DYNC1H1: variants seen among roughly 807,000 people sequenced by gnomAD.
DYNC1H1 encodes the protein dynein cytoplasmic 1 heavy chain 1.
Under a neutral mutation model 527.1 loss-of-function variants are expected in DYNC1H1, and 51 were observed. The observed-to-expected ratio is 0.10, with a 90% CI of 0.08 to 0.12. The LOEUF (loss-of-function observed/expected upper bound fraction) is 0.12, where lower values mean the gene tolerates loss of function less well. DYNC1H1 is among the 10% of genes least tolerant of loss of function. The pLI is 1.00. For missense variants in DYNC1H1, 2,771 were observed against 5,971.8 expected (o/e 0.46, Z 17.66); for synonymous variants, 2,189 against 2,278.8 (o/e 0.96, Z 1.12).
chr14:102,007,227 G>T, intron 28 of DYNC1H1, 119 bp downstream of exon 28: 1 of 995,386 alleles, frequency 1.0e-6, no homozygotes. Flanking sequence ...GGTTTATATG[G>T]CCTCCTGAGT....
rs904113221 is a variant in DYNC1H1 at position 102,038,356 on chromosome 14, T to C, written c.10909-104T>C. On this transcript the variant is annotated intron_variant, in intron 57 of 77. Transcript: ENST00000360184. This position sits in a 1 kb window ranked among gnomAD's most constrained non-coding sequence, Gnocchi z 7.2. Reference sequence around the variant, plus strand: ...CCACCACACGCAAGTGGCGGGTGGCTTTTGGGAAGGTATGCTTATCCAGAG... The same window carrying C: ...CCACCACACGCAAGTGGCGGGTGGCCTTTGGGAAGGTATGCTTATCCAGAG... The C allele has an allele frequency of 4.6e-6, 7 of 1,536,028 alleles. No homozygotes were observed. The South Asian group carries it at 8.3e-5, about 18-fold the overall frequency.
rs1331271953 is a variant in DYNC1H1 at position 102,050,579 on chromosome 14, C to G, written c.*16C>G. The stretch of plus-strand genomic sequence containing the variant: ...CACAGAGTAAACTTTTCTAGCTGCC[C>G]CTTTCTGTAATAGTGAAAGTTGGTA... On this transcript the variant is annotated 3_prime_UTR_variant, in exon 78 of 78. Coordinates refer to ENST00000360184, the MANE Select transcript of DYNC1H1 (RefSeq NM_001376.5). 1 of 1,614,056 alleles carries G rather than the reference C, an allele frequency of 6.2e-7. No individual in the cohort carries two copies. Among genetic ancestry groups the G allele is most frequent in the South Asian group, 1.1e-5 (1 of 91,070 alleles).
intron 43 of DYNC1H1, among the ~76,000 whole-genome samples, chr14:102,026,230 C>T (rs2152588518): frequency 6.6e-6 from 1 of 152,292 alleles, no homozygotes; most frequent in Non-Finnish European, 1.5e-5. Context: ...AAGCACCTCC[C>T]ACCACTGAGA....
rs761095776 is a variant in DYNC1H1, at chr14:102,002,515, C to CT, written c.4543-21dup. The CT allele has an allele frequency of 3.7e-6, 6 of 1,613,776 alleles. No individual in the cohort carries two copies. The Admixed American group carries it at 8.3e-5, about 22-fold the overall frequency. The stretch of plus-strand genomic sequence containing the variant: ...GAGTAGAAGGGTCAGCAGTTTACCT[C>CT]TCCCTCCTGTCTGCCCACCAGGTTT... On this transcript the variant is annotated intron_variant, in intron 21 of 77. Coordinates refer to ENST00000360184, the MANE Select transcript of DYNC1H1 (RefSeq NM_001376.5). The surrounding 1 kb of genome is among the most constrained non-coding windows in gnomAD (Gnocchi z 4.4).
chr14:102,008,647 CATG>C (rs1376981613), intron 29 of DYNC1H1, among the ~76,000 whole-genome samples: 1 of 152,102 alleles, frequency 6.6e-6, no homozygotes, highest in Non-Finnish European at 1.5e-5. Context: ...ATTAGCCTGA[CATG>C]GTGGTGCACG....
Position 102,004,590 on chromosome 14 carries a change from A to G in DYNC1H1, c.4956A>G (p.Lys1652=). ...GNSKNVAKLQ[K]HFKKMFAGVS... is the part of the protein sequence containing the mutation. ...GCAAGAATGTCGCTAAATTACAGAA[A>G]CACTTCAAGAAGATGTTTGCTGGAG... Residue 1652 remains lysine, a synonymous_variant, in exon 24 of 78, where the codon AAA becomes AAG. Transcript: ENST00000360184. 1.2e-6 allele frequency: 2 copies of G among 1,614,176 alleles called. No individual in the cohort carries two copies. Among genetic ancestry groups the G allele is most frequent in the South Asian group, 1.1e-5 (1 of 91,076 alleles).
In DYNC1H1 at chr14:101,975,790, A is replaced by G. The variant is rs757242487; in HGVS notation, c.335A>G (p.Lys112Arg). ...AACATAGACATTCATTATGGGGTTA[A>G]ATCCAATAGGTGAGTAGTACAAATA... ...NINIDIHYGVKSNSLAFIKRT... is the reference protein window; with the variant it reads ...NINIDIHYGVRSNSLAFIKRT... Residue 112 changes from lysine to arginine, a missense_variant, in exon 2 of 78, where the codon AAA (lysine) becomes AGA (arginine). This residue lies in a region of DYNC1H1 where 146 missense variants were observed against 288.1 expected (regional missense o/e 0.51). Coordinates refer to ENST00000360184, the MANE Select transcript of DYNC1H1 (RefSeq NM_001376.5). 2.5e-6 allele frequency: 4 copies of G among 1,609,628 alleles called. No individual in the cohort carries two copies. In the African/African-American group the frequency reaches 5.3e-5, roughly 21 times the overall value.
chr14:102,001,531 T>G lies in DYNC1H1; in HGVS notation c.4396-4T>G. On this transcript the variant is annotated splice_polypyrimidine_tract_variant and splice_region_variant and intron_variant, in intron 20 of 77. Coordinates refer to ENST00000360184, the MANE Select transcript of DYNC1H1 (RefSeq NM_001376.5). The surrounding 1 kb of genome is among the most constrained non-coding windows in gnomAD (Gnocchi z 5.0). Reference sequence around the variant, plus strand: ...TAACATGCATCTTTCTGGTTTGAATTCAGATAAGAGAAGTGTGGAATACTT... The same window carrying G: ...TAACATGCATCTTTCTGGTTTGAATGCAGATAAGAGAAGTGTGGAATACTT... 1 of 1,614,188 alleles carries G rather than the reference T, an allele frequency of 6.2e-7. No individual in the cohort carries two copies.
rs998086599 is a variant in DYNC1H1, at chr14:102,044,769, G to C, written c.13006+71G>C. ...TCCCCTCACGCGGGGTGGGTGGCGA[G>C]GGTCCCCACACGCAGGGTGAGTGTG... On this transcript the variant is annotated intron_variant, in intron 72 of 77. Transcript: ENST00000360184. The surrounding 1 kb of genome is among the most constrained non-coding windows in gnomAD (Gnocchi z 7.1). 7.0e-7 allele frequency: 1 copy of C among 1,436,868 alleles called. No individual in the cohort carries two copies. The highest frequency in any genetic ancestry group is 1.4e-5 in the African/African-American group (1 of 71,056). 89.0% of individuals were successfully genotyped at this position (1,436,868 alleles called of 1,614,324 possible). A position where few individuals can be genotyped will look rare whatever the true frequency, so the allele number is the denominator to read the frequency against.
chr14:102,011,013 TA>T lies in DYNC1H1; in HGVS notation c.6618+63del. 5 of 1,561,398 alleles carry T rather than the reference TA, an allele frequency of 3.2e-6. No individual in the cohort carries two copies. The highest frequency in any genetic ancestry group is 4.4e-6 in the Non-Finnish European group (5 of 1,132,704). On this transcript the variant is annotated intron_variant, in intron 32 of 77. Transcript: ENST00000360184. The surrounding 1 kb of genome is among the most constrained non-coding windows in gnomAD (Gnocchi z 5.3). ...AGACCCTGCTGGCTTTAGTGTCTGGTAATGACAACCGTGGGCCCTTCGATGA... is the reference window on the plus strand; with the variant it reads ...AGACCCTGCTGGCTTTAGTGTCTGGTATGACAACCGTGGGCCCTTCGATGA...
intron 43 of DYNC1H1, 172 bp downstream of exon 43, chr14:102,023,052 C>T (rs2048404865): frequency 1.8e-6 from 2 of 1,100,166 alleles, no homozygotes; most frequent in African/African-American, 1.6e-5. Flanking sequence ...CACTTGATCC[C>T]AGGAGTTTGA....
rs547968657 is a variant in DYNC1H1, at chr14:102,028,036, C to T, written c.9363C>T (p.Ile3121=). 9 of 1,614,146 alleles carry T rather than the reference C, an allele frequency of 5.6e-6. No individual in the cohort carries two copies. The highest frequency in any genetic ancestry group is 2.2e-5 in the East Asian group (1 of 44,878). Residue 3121 remains isoleucine (I), a synonymous_variant, in exon 48 of 78, where the codon ATC becomes ATT. Coordinates refer to ENST00000360184, the MANE Select transcript of DYNC1H1 (RefSeq NM_001376.5). The part of the protein sequence containing the change: ...SKMDLEKPNY[I]VPDYMPVVYD... ...TGGATCTGGAGAAGCCAAATTACATCGTGCCTGATTACATGCCAGTTGTGT... is the reference window on the plus strand; with the variant it reads ...TGGATCTGGAGAAGCCAAATTACATTGTGCCTGATTACATGCCAGTTGTGT...
At position 102,036,720 on chromosome 14, in the gene DYNC1H1, A is replaced by C; in HGVS notation, c.10908+78A>C. On this transcript the variant is annotated intron_variant, in intron 57 of 77. Transcript: ENST00000360184. This position sits in a 1 kb window ranked among gnomAD's most constrained non-coding sequence, Gnocchi z 5.6. ...TTTTGGGGGCTGCCTTTAGTTTTCA[A>C]CTTTGTAAGACTTCATTTTGTATCA... 1 of 1,534,988 alleles carries C rather than the reference A, an allele frequency of 6.5e-7. No homozygotes were observed. Among genetic ancestry groups the C allele is most frequent in the Non-Finnish European group, 9.0e-7 (1 of 1,110,752 alleles).
rs911906247 is a variant in DYNC1H1 at position 102,008,475 on chromosome 14, C to G, written c.5977+138C>G. 9 of 1,254,152 alleles carry G rather than the reference C, an allele frequency of 7.2e-6. No individual in the cohort carries two copies. In the African/African-American group the frequency reaches 8.9e-5, roughly 12 times the overall value. The allele number at this position is 1,254,152 out of a possible 1,614,324, so 77.7% of individuals were successfully genotyped here. ...TCACTGTTACAGGCAGTGTAGTGAG[C>G]TGTGGTTAAAGACGGAAGGTAAGAA... On this transcript the variant is annotated intron_variant, in intron 29 of 77. Transcript: ENST00000360184.
In DYNC1H1 at chr14:101,983,356, G is replaced by A; in HGVS notation, c.1234-26G>A. On this transcript the variant is annotated intron_variant, in intron 6 of 77. Coordinates refer to ENST00000360184, the MANE Select transcript of DYNC1H1 (RefSeq NM_001376.5). This position sits in a 1 kb window ranked among gnomAD's most constrained non-coding sequence, Gnocchi z 5.3. ...AGATGAAAATATGTCTTAATAATAA[G>A]CCTCACTTTTGAAATTATATCCTAG... The A allele has an allele frequency of 6.2e-7, 1 of 1,613,966 alleles. No homozygotes were observed. The highest frequency in any genetic ancestry group is 2.2e-5 in the East Asian group (1 of 44,882).
At position 101,975,874 on chromosome 14, in the gene DYNC1H1, A is replaced by C. The variant is rs1206971985; in HGVS notation, c.344+75A>C. ...TTAATATGAATCTTTTTTCTTTTCAAACTCAGAAATTCTTACTAAGAGAAT... is the reference window on the plus strand; with the variant it reads ...TTAATATGAATCTTTTTTCTTTTCACACTCAGAAATTCTTACTAAGAGAAT... On this transcript the variant is annotated intron_variant, in intron 2 of 77. Coordinates refer to ENST00000360184, the MANE Select transcript of DYNC1H1 (RefSeq NM_001376.5). 4 of 1,231,076 alleles carry C rather than the reference A, an allele frequency of 3.2e-6. No homozygotes were observed. In the East Asian group the frequency reaches 7.1e-5, roughly 22 times the overall value. 76.3% of individuals were successfully genotyped at this position (1,231,076 alleles called of 1,614,324 possible). A position where few individuals can be genotyped will look rare whatever the true frequency, so the allele number is the denominator to read the frequency against.
rs150851798 is a variant in DYNC1H1 at position 102,042,411 on chromosome 14, G to A, written c.12303G>A (p.Leu4101=). ...GGGTGATGCTGAAGAATGTGCATCT[G>A]GCCCCAGGGTGGCTGATGCAGCTGG... ...GRWVMLKNVH[L]APGWLMQLEK... is the part of the protein sequence containing the mutation. The change falls in exon 68 of 78, where the codon CTG becomes CTA. Residue 4101 remains leucine (L), a synonymous_variant. Coordinates refer to ENST00000360184, the MANE Select transcript of DYNC1H1 (RefSeq NM_001376.5). The surrounding 1 kb of genome is among the most constrained non-coding windows in gnomAD (Gnocchi z 5.7). 1.2e-6 allele frequency: 2 copies of A among 1,614,070 alleles called. No individual in the cohort carries two copies. The highest frequency in any genetic ancestry group is 2.7e-5 in the African/African-American group (2 of 74,922).
Position 102,008,252 on chromosome 14 carries a change from G to A in DYNC1H1, c.5892G>A (p.Glu1964=), listed in dbSNP as rs1489014431. 6.2e-7 allele frequency: 1 copy of A among 1,614,234 alleles called. No individual in the cohort carries two copies. Among genetic ancestry groups the A allele is most frequent in the Non-Finnish European group, 8.5e-7 (1 of 1,180,048 alleles). Residue 1964 remains glutamate, a synonymous_variant, in exon 29 of 78, where the codon GAG becomes GAA. Coordinates refer to ENST00000360184, the MANE Select transcript of DYNC1H1 (RefSeq NM_001376.5). ...WGCFDEFNRL[E]ERMLSAVSQQ... is the part of the protein sequence containing the mutation. The stretch of plus-strand genomic sequence containing the variant: ...GCTTTGACGAGTTCAACCGCCTGGA[G>A]GAGCGGATGCTCTCGGCTGTGTCCC...
Position 102,010,754 on chromosome 14 carries a change from C to A in DYNC1H1, c.6420C>A (p.Ser2140Arg). 1 of 1,612,860 alleles carries A rather than the reference C, an allele frequency of 6.2e-7. No homozygotes were observed. ...TCTCCCCGTAGATTCTGATACAGAG[C>A]GTCTGTGAGACGATGGTGCCAAAGC... is the stretch of plus-strand genomic sequence containing the variant. ...NLPEQEILIQSVCETMVPKLV... is the reference protein window; with the variant it reads ...NLPEQEILIQRVCETMVPKLV... Residue 2140 changes from serine to arginine, a missense_variant, in exon 32 of 78, where the codon AGC becomes AGA. Around this residue, in one of 32 missense-constraint regions of DYNC1H1, gnomAD observed 56 missense variants for 140.6 expected, o/e 0.40. Coordinates refer to ENST00000360184, the MANE Select transcript of DYNC1H1 (RefSeq NM_001376.5). This position sits in a 1 kb window ranked among gnomAD's most constrained non-coding sequence, Gnocchi z 6.0.
Sources: allele counts gnomAD v4.1 joint callset (sites outside exome capture counted in the v4.1 genomes callset), GRCh38; gene constraint gnomAD v4.1.1; regional missense constraint gnomAD v4.1.1; non-coding constraint Gnocchi (gnomAD v3.1); transcripts MANE v1.5; gene names NCBI Gene and HGNC (gene_info 2026-07-23, HGNC 2026-07-21).